Variants in ADK observed in about 807,000 individuals in gnomAD.
ADK encodes the protein adenosine kinase.
ADK carries 24 observed loss-of-function variants against 44.7 expected under a neutral mutation model. That is an observed-to-expected ratio of 0.54 (90% CI 0.39 to 0.76). The LOEUF is 0.76. ADK is among the 30% of genes least tolerant of loss of function. The probability of loss-of-function intolerance (pLI) is 0.00; values close to 1 mark genes in which losing one functional copy is unlikely to be tolerated. For missense variants in ADK, 321 were observed against 425.1 expected (o/e 0.76, Z 2.15); for synonymous variants, 128 against 142.6 (o/e 0.90, Z 0.73).
At chr10:74,559,838 C>CT (rs1428711027) in intron 7 of ADK, among the ~76,000 whole-genome samples, 2 of 151,060 alleles carry the variant, frequency 1.3e-5, no homozygotes, top group Non-Finnish European at 2.9e-5. Flanking sequence ...TCAATTTTTC[C>CT]AACTAAGTTT....
chr10:74,581,474 C>T (rs952896922), intron 7 of ADK, among the ~76,000 whole-genome samples: 2 of 152,048 alleles, frequency 1.3e-5, no homozygotes, highest in South Asian at 2.1e-4. Flanking sequence ...ATAAAGACTA[C>T]GGATGGGGCA....
intron 3 of ADK, among the ~76,000 whole-genome samples, chr10:74,249,145 T>C (rs991767452): frequency 6.6e-6 from 1 of 152,214 alleles, no homozygotes; most frequent in African/African-American, 2.4e-5. Flanking sequence ...ATATAATTAC[T>C]GAAATGATGA....
chr10:74,533,950 GA>G (rs1202644869), intron 7 of ADK, among the ~76,000 whole-genome samples: 1 of 152,150 alleles, frequency 6.6e-6, no homozygotes, highest in Non-Finnish European at 1.5e-5. Flanking sequence ...AACTATAAAA[GA>G]ATTGTACTAT....
intron 7 of ADK, among the ~76,000 whole-genome samples, chr10:74,537,990 C>T (rs1412707127): frequency 1.3e-5 from 2 of 152,120 alleles, no homozygotes; most frequent in African/African-American, 4.8e-5. Flanking sequence ...GGTGCAGTGG[C>T]TCATGCCTGT....
chr10:74,639,808 C>G (rs965635360), intron 9 of ADK, among the ~76,000 whole-genome samples: 2 of 151,940 alleles, frequency 1.3e-5, no homozygotes, highest in Non-Finnish European at 2.9e-5. Flanking sequence ...TGCACTCCAG[C>G]CTGGGTGACA....
At position 74,224,584 on chromosome 10, in the gene ADK, A is replaced by C; in HGVS notation, c.187A>C (p.Lys63Gln). 2 of 1,613,486 alleles carry C rather than the reference A, an allele frequency of 1.2e-6. No homozygotes were observed. The highest frequency in any genetic ancestry group is 1.7e-6 in the Non-Finnish European group (2 of 1,179,546). ...CCAAATCTTGGCTGAAGACAAACAC[A>C]AGGAACTGTAAGTGCATTAAACCAT... is the stretch of plus-strand genomic sequence containing the variant. ...NDQILAEDKH[K>Q]ELFDELVKKF... is the part of the protein sequence containing the mutation. Residue 63 changes from lysine to glutamine, a missense_variant, in exon 3 of 11, where the codon AAG becomes CAG. Transcript: ENST00000539909.
At chr10:74,249,527 AG>A (rs1845569325) in intron 3 of ADK, among the ~76,000 whole-genome samples, 1 of 146,280 alleles carries the variant, frequency 6.8e-6, no homozygotes, top group Non-Finnish European at 1.5e-5. Flanking sequence ...ACACACACAC[AG>A]TTTTATTTGT....
At chr10:74,192,527 A>ATTT (rs58530218) in intron 1 of ADK, among the ~76,000 whole-genome samples, 28 of 132,004 alleles carry the variant, frequency 2.1e-4, no homozygotes, top group African/African-American at 7.6e-4. Flanking sequence ...CACCTGGCCC[A>ATTT]TTTTTTTTTT....
Position 74,176,667 on chromosome 10 carries a change from T to A in ADK, c.66-24097T>A, listed in dbSNP as rs1842349585. ...GCGTCTGGGGACGATCTCCAGCCCT[T>A]CGCACGGGGCGGAGCGCCCGCCTTC... On this transcript the variant is annotated intron_variant, in intron 1 of 10. Coordinates refer to ENST00000539909, the MANE Select transcript of ADK (RefSeq NM_006721.4). 4 of 1,428,500 alleles carry A rather than the reference T, an allele frequency of 2.8e-6. No individual in the cohort carries two copies. The East Asian group carries it at 1.0e-4, about 37-fold the overall frequency. The allele number at this position is 1,428,500 out of a possible 1,614,324, so 88.5% of individuals were successfully genotyped here. A position where few individuals can be genotyped will look rare whatever the true frequency, so the allele number is the denominator to read the frequency against.
intron 4 of ADK, among the ~76,000 whole-genome samples, chr10:74,386,607 C>G (rs879486496): frequency 2.6e-5 from 4 of 152,104 alleles, no homozygotes; most frequent in Admixed American, 2.0e-4. Flanking sequence ...TATCATCATA[C>G]TCTTTGCTCG....
At position 74,280,415 on chromosome 10, in the gene ADK, A is replaced by AACACACACACACACAC. The variant is rs71021599; in HGVS notation, c.195-34235_195-34220dup. 7.3e-3 allele frequency among the ~76,000 whole-genome samples: 1,061 copies of AACACACACACACACAC among 144,414 alleles called. 15 individuals are homozygous for AACACACACACACACAC. The highest frequency in any genetic ancestry group is 0.017 in the Middle Eastern group (5 of 286). 94.7% of individuals were successfully genotyped at this position (144,414 alleles called of 152,430 possible). A position where few individuals can be genotyped will look rare whatever the true frequency, so the allele number is the denominator to read the frequency against. ...CCGCGCCCGGCCTTAAACAAGTTTA[A>AACACACACACACACAC]ACACACACACACACACACACACACA... is the stretch of plus-strand genomic sequence containing the variant. On this transcript the variant is annotated intron_variant, in intron 3 of 10. Transcript: ENST00000539909.
At chr10:74,152,731 T>C (rs893457691) in intron 1 of ADK, among the ~76,000 whole-genome samples, 3 of 152,194 alleles carry the variant, frequency 2.0e-5, no homozygotes, top group Non-Finnish European at 4.4e-5. Context: ...TATTTTACAA[T>C]TGAAGATATT....
intron 6 of ADK, among the ~76,000 whole-genome samples, chr10:74,491,452 T>A (rs773397819): frequency 2.0e-5 from 3 of 152,104 alleles, no homozygotes; most frequent in Non-Finnish European, 4.4e-5. Context: ...GCAAAAGCGA[T>A]GTAATGAACC....
At chr10:74,674,171 C>T (rs1855296547) in intron 10 of ADK, among the ~76,000 whole-genome samples, 1 of 152,140 alleles carries the variant, frequency 6.6e-6, no homozygotes, top group Non-Finnish European at 1.5e-5. Flanking sequence ...CCCTCTTCTG[C>T]CCAGAAATTT....
rs1855942371 is a variant in ADK, at chr10:74,690,296, A to G, written c.965-18025A>G. 3.3e-5 allele frequency among the ~76,000 whole-genome samples: 5 copies of G among 152,204 alleles called. No homozygotes were observed. In the South Asian group the frequency reaches 1.0e-3, roughly 32 times the overall value. Reference sequence around the variant, plus strand: ...GATCGCTTGAACTCAGGAGTTTGTTACCAGCCTGGGAAACATGGGGAAACC... The same window carrying G: ...GATCGCTTGAACTCAGGAGTTTGTTGCCAGCCTGGGAAACATGGGGAAACC... On this transcript the variant is annotated intron_variant, in intron 10 of 10. Coordinates refer to ENST00000539909, the MANE Select transcript of ADK (RefSeq NM_006721.4).
chr10:74,518,308 G>A (rs1848675366), intron 6 of ADK, among the ~76,000 whole-genome samples: 1 of 152,098 alleles, frequency 6.6e-6, no homozygotes, highest in South Asian at 2.1e-4. Context: ...GCTAGTCTAG[G>A]CTTGGTTGGG....
intron 1 of ADK, among the ~76,000 whole-genome samples, chr10:74,185,744 G>T (rs1842730042): frequency 8.2e-6 from 1 of 122,366 alleles, no homozygotes. Context: ...GCTGAGGCAG[G>T]AGAATGCCGT....
At chr10:74,447,537 A>G (rs1290982491) in intron 6 of ADK, among the ~76,000 whole-genome samples, 2 of 152,138 alleles carry the variant, frequency 1.3e-5, no homozygotes, top group South Asian at 2.1e-4. Flanking sequence ...TGTAGTTCAA[A>G]ATAATCCTTA....
intron 4 of ADK, among the ~76,000 whole-genome samples, chr10:74,388,466 A>G (rs1426830224): frequency 6.6e-6 from 1 of 152,210 alleles, no homozygotes; most frequent in African/African-American, 2.4e-5. Flanking sequence ...TTAATGTCTT[A>G]AGAATATTGA....
Sources: gnomAD v4.1 joint callset for allele counts (sites outside exome capture counted in the v4.1 genomes callset) on GRCh38, gnomAD v4.1.1 for gene constraint, MANE v1.5 for transcripts, NCBI Gene and HGNC (gene_info 2026-07-23, HGNC 2026-07-21) for gene names.